RPS26: variants seen among roughly 807,000 people sequenced by gnomAD.
The protein encoded by RPS26 is ribosomal protein S26, also known as small ribosomal subunit protein eS26.
RPS26 carries 1 observed loss-of-function variant against 14.7 expected under a neutral mutation model. The observed-to-expected ratio is 0.07, with a 90% CI of 0.02 to 0.32. The LOEUF (loss-of-function observed/expected upper bound fraction) is 0.32. Among genes scored for constraint, RPS26 ranks in the 10% least tolerant of loss-of-function variants. The pLI is 1.00. For missense variants in RPS26, 63 were observed against 157.7 expected (o/e 0.40, Z 3.22); for synonymous variants, 59 against 53.1 (o/e 1.11, Z -0.48).
chr12:56,043,331 A>C (rs376466014), intron 2 of RPS26, 32 bp from the exon 3 acceptor site: 38 of 1,604,384 alleles, frequency 2.4e-5, no homozygotes, highest in Non-Finnish European at 2.0e-5. Context: ...TAGGTATATA[A>C]TACCAGTATA....
intron 1 of RPS26, 47 bp from the exon 2 acceptor site, chr12:56,042,378 T>C (rs769773797): frequency 3.2e-5 from 51 of 1,594,812 alleles, no homozygotes; most frequent in Non-Finnish European, 4.3e-5. Context: ...GGACTGAGGC[T>C]GGGTGAGTTG....
At chr12:56,043,306 A>G (rs1159772391) in intron 2 of RPS26, 57 bp from the exon 3 acceptor site, 3 of 1,538,412 alleles carry the variant, frequency 2.0e-6, no homozygotes, top group South Asian at 2.2e-5. Context: ...TCATTCATGT[A>G]ACAAAAAAGC....
chr12:56,043,196 C>T (rs915860349), intron 2 of RPS26, 167 bp from the exon 3 acceptor site: 7 of 643,642 alleles, frequency 1.1e-5, no homozygotes, highest in African/African-American at 1.1e-4. Context: ...CATATGTGCT[C>T]AGGTATTGGG....
Position 56,042,187 on chromosome 12 carries a change from G to T in RPS26, c.3+18G>T. ...CCAAGATGGTGAGTCTTCTTGCGTG[G>T]TGAGGGTGGGGGTTCGGGTGCAGAC... On this transcript the variant is annotated intron_variant, in intron 1 of 3. Transcript: ENST00000646449. 6.2e-7 allele frequency: 1 copy of T among 1,614,086 alleles called. No homozygotes were observed. Among genetic ancestry groups the T allele is most frequent in the Non-Finnish European group, 8.5e-7 (1 of 1,180,014 alleles).
Position 56,044,317 on chromosome 12 carries a change from A to C in RPS26, c.*163A>C, listed in dbSNP as rs1185086807. The C allele has an allele frequency of 6.6e-6, 4 of 603,688 alleles. No individual in the cohort carries two copies. The highest frequency in any genetic ancestry group is 1.2e-5 in the Non-Finnish European group (4 of 342,116). The allele number at this position is 603,688 out of a possible 1,614,324, so 37.4% of individuals were successfully genotyped here. ...ACACACATTATTTTCATGGGGAAGA[A>C]AGCTTATTCATGTAATTTAATTTTT... On this transcript the variant is annotated 3_prime_UTR_variant, in exon 4 of 4. Transcript: ENST00000646449.
chr12:56,042,824 A>G, intron 2 of RPS26: 1 of 601,732 alleles, frequency 1.7e-6, no homozygotes, highest in Non-Finnish European at 3.0e-6. Flanking sequence ...TCTGAGGTAA[A>G]GGTTTGCCTG....
In RPS26 at chr12:56,042,165, A is replaced by G; in HGVS notation, c.-2A>G. Reference sequence around the variant, plus strand: ...CTCCTCTCTCCGGTCCGTGCCTCCAAGATGGTGAGTCTTCTTGCGTGGTGA... The same window carrying G: ...CTCCTCTCTCCGGTCCGTGCCTCCAGGATGGTGAGTCTTCTTGCGTGGTGA... On this transcript the variant is annotated 5_prime_UTR_variant, in exon 1 of 4. Coordinates refer to ENST00000646449, the MANE Select transcript of RPS26 (RefSeq NM_001029.5). The G allele has an allele frequency of 1.9e-6, 3 of 1,614,098 alleles. No individual in the cohort carries two copies. Among genetic ancestry groups the G allele is most frequent in the East Asian group, 2.2e-5 (1 of 44,880 alleles).
In RPS26 at chr12:56,042,109, T is replaced by C; in HGVS notation, c.-58T>C. On this transcript the variant is annotated 5_prime_UTR_variant, in exon 1 of 4. The change abolishes an upstream ATG in the 5' untranslated region. Coordinates refer to ENST00000646449, the MANE Select transcript of RPS26 (RefSeq NM_001029.5). ...TCCCGGTGTCCGCGTAGGGATCTCA[T>C]GCTATATAGGAGGGCCCTGCCAGGC... 1 of 1,583,624 alleles carries C rather than the reference T, an allele frequency of 6.3e-7. No individual in the cohort carries two copies. The highest frequency in any genetic ancestry group is 1.1e-5 in the South Asian group (1 of 90,312).
chr12:56,044,365 T>TTTTTG lies in RPS26; in HGVS notation c.*211_*212insTTTTG, dbSNP rs59385427. ...TTTTTCTTTTTTTTTTTTTTTTTTT[T>TTTTTG]GAGACGGAGTCTTTGTCGCCCAAGC... On this transcript the variant is annotated 3_prime_UTR_variant, in exon 4 of 4. Coordinates refer to ENST00000646449, the MANE Select transcript of RPS26 (RefSeq NM_001029.5). The TTTTTG allele has an allele frequency of 3.6e-4, 130 of 357,318 alleles. 2 individuals are homozygous for TTTTTG. The highest frequency in any genetic ancestry group is 1.9e-3 in the African/African-American group (69 of 36,812). The allele number at this position is 357,318 out of a possible 1,614,324, so 22.1% of individuals were successfully genotyped here. A position where few individuals can be genotyped will look rare whatever the true frequency, so the allele number is the denominator to read the frequency against.
intron 1 of RPS26, 75 bp from the exon 2 acceptor site, chr12:56,042,350 C>G: frequency 1.3e-5 from 20 of 1,554,704 alleles, no homozygotes; most frequent in Non-Finnish European, 1.8e-5. Context: ...GCTGCCGGTG[C>G]GGCTTGTGGC....
Position 56,044,156 on chromosome 12 carries a change from G to A in RPS26, c.*2G>A, listed in dbSNP as rs1895932072. 6.2e-7 allele frequency: 1 copy of A among 1,608,974 alleles called. No individual in the cohort carries two copies. Among genetic ancestry groups the A allele is most frequent in the Admixed American group, 1.7e-5 (1 of 59,996 alleles). Reference sequence around the variant, plus strand: ...CGTCCCCCACCAAAGCCCATGTAAGGAGCTGAGTTCTTAAAGACTGAAGAC... The same window carrying A: ...CGTCCCCCACCAAAGCCCATGTAAGAAGCTGAGTTCTTAAAGACTGAAGAC... On this transcript the variant is annotated 3_prime_UTR_variant, in exon 4 of 4. Coordinates refer to ENST00000646449, the MANE Select transcript of RPS26 (RefSeq NM_001029.5).
At chr12:56,042,393 G>T (rs1295597208) in intron 1 of RPS26, 32 bp from the exon 2 acceptor site, 25 of 1,611,994 alleles carry the variant, frequency 1.6e-5, no homozygotes, top group Non-Finnish European at 2.0e-5. Flanking sequence ...GAGTTGCGCC[G>T]TTTTCCTAAC....
rs765001233 is a variant in RPS26 at position 56,042,180 on chromosome 12, T to C, written c.3+11T>C. On this transcript the variant is annotated intron_variant, in intron 1 of 3. Transcript: ENST00000646449. ...CGTGCCTCCAAGATGGTGAGTCTTC[T>C]TGCGTGGTGAGGGTGGGGGTTCGGG... 3.7e-6 allele frequency: 6 copies of C among 1,613,906 alleles called. No individual in the cohort carries two copies. The highest frequency in any genetic ancestry group is 1.3e-5 in the African/African-American group (1 of 74,892).
Position 56,044,339 on chromosome 12 carries a change from T to G in RPS26, c.*185T>G. The G allele has an allele frequency of 1.9e-6, 1 of 520,248 alleles. No homozygotes were observed. The highest frequency in any genetic ancestry group is 3.3e-6 in the Non-Finnish European group (1 of 306,076). 32.2% of individuals were successfully genotyped at this position (520,248 alleles called of 1,614,324 possible). Reference sequence around the variant, plus strand: ...AGAAAGCTTATTCATGTAATTTAATTTTTTTCTTTTTTTTTTTTTTTTTTT... The same window carrying G: ...AGAAAGCTTATTCATGTAATTTAATGTTTTTCTTTTTTTTTTTTTTTTTTT... On this transcript the variant is annotated 3_prime_UTR_variant, in exon 4 of 4. Transcript: ENST00000646449.
Position 56,041,989 on chromosome 12 carries a change from G to A in RPS26, c.-178G>A, listed in dbSNP as rs1019948549. 4 of 710,620 alleles carry A rather than the reference G, an allele frequency of 5.6e-6. No individual in the cohort carries two copies. The highest frequency in any genetic ancestry group is 1.0e-5 in the Non-Finnish European group (4 of 392,306). 44.0% of individuals were successfully genotyped at this position (710,620 alleles called of 1,614,324 possible). On this transcript the variant is annotated 5_prime_UTR_variant, in exon 1 of 4. Coordinates refer to ENST00000646449, the MANE Select transcript of RPS26 (RefSeq NM_001029.5). ...CCATGGATAAATAAACACTAGGAAC[G>A]CATTTCCACCCTAGATTTCAGCAGA... is the stretch of plus-strand genomic sequence containing the variant.
At chr12:56,042,284 T>A in intron 1 of RPS26, 115 bp downstream of exon 1, 1 of 1,529,516 alleles carries the variant, frequency 6.5e-7, no homozygotes, top group East Asian at 2.3e-5. Flanking sequence ...TCATTTGCTC[T>A]GGGGGTCGGC....
intron 1 of RPS26, 26 bp downstream of exon 1, chr12:56,042,195 G>C (rs780584502): frequency 6.2e-7 from 1 of 1,613,910 alleles, no homozygotes; most frequent in Non-Finnish European, 8.5e-7. Context: ...TGGTGAGGGT[G>C]GGGGTTCGGG....
In RPS26 at chr12:56,044,352, T is replaced by C. The variant is rs1895935037; in HGVS notation, c.*198T>C. On this transcript the variant is annotated 3_prime_UTR_variant, in exon 4 of 4. Coordinates refer to ENST00000646449, the MANE Select transcript of RPS26 (RefSeq NM_001029.5). ...ATGTAATTTAATTTTTTTCTTTTTT[T>C]TTTTTTTTTTTTTGAGACGGAGTCT... The C allele has an allele frequency of 9.9e-6, 4 of 402,584 alleles. No individual in the cohort carries two copies. Among genetic ancestry groups the C allele is most frequent in the Non-Finnish European group, 1.3e-5 (3 of 235,054 alleles). 24.9% of individuals were successfully genotyped at this position (402,584 alleles called of 1,614,324 possible). A position where few individuals can be genotyped will look rare whatever the true frequency, so the allele number is the denominator to read the frequency against.
rs1191650736 is a variant in RPS26, at chr12:56,044,345, CTTTTTT to C, written c.*206_*211del. The C allele has an allele frequency of 1.5e-4, 40 of 266,670 alleles. No homozygotes were observed. Among genetic ancestry groups the C allele is most frequent in the East Asian group, 1.9e-4 (3 of 15,622 alleles). 16.5% of individuals were successfully genotyped at this position (266,670 alleles called of 1,614,324 possible). Reference sequence around the variant, plus strand: ...CTTATTCATGTAATTTAATTTTTTTCTTTTTTTTTTTTTTTTTTTTGAGACGGAGTC... The same window carrying C: ...CTTATTCATGTAATTTAATTTTTTTCTTTTTTTTTTTTTTGAGACGGAGTC... On this transcript the variant is annotated 3_prime_UTR_variant, in exon 4 of 4. Coordinates refer to ENST00000646449, the MANE Select transcript of RPS26 (RefSeq NM_001029.5).
Sources: gnomAD v4.1 joint callset for allele counts on GRCh38, gnomAD v4.1.1 for gene constraint, MANE v1.5 for transcripts, NCBI Gene and HGNC (gene_info 2026-07-23, HGNC 2026-07-21) for gene names.